ASTN2: variants seen among roughly 807,000 people sequenced by gnomAD.
ASTN2 encodes the protein astrotactin-2.
In ASTN2, 54 loss-of-function variants were observed where a neutral mutation model predicts 139.8. The observed-to-expected ratio is 0.39, with a 90% CI of 0.31 to 0.48. The LOEUF (loss-of-function observed/expected upper bound fraction) is 0.48, where lower values mean the gene tolerates loss of function less well. Ranked by LOEUF, ASTN2 falls within the 20% of genes least tolerant of loss-of-function variation. The pLI is 0.95. For missense variants in ASTN2, 1,565 were observed against 1,725.1 expected, an observed-to-expected ratio of 0.91 and a Z score of 1.64; for synonymous variants, 756 against 719.5, an observed-to-expected ratio of 1.05 and a Z score of -0.81.
intron 22 of ASTN2, among the ~76,000 whole-genome samples, chr9:116,428,015 T>C (rs1394564007): frequency 3.3e-5 from 5 of 152,274 alleles, no homozygotes; most frequent in Admixed American, 1.3e-4. Flanking sequence ...TGCTGATTTG[T>C]TGAGCATTTA....
intron 10 of ASTN2, among the ~76,000 whole-genome samples, chr9:116,955,765 A>G (rs1200208478): frequency 6.6e-6 from 1 of 152,234 alleles, no homozygotes; most frequent in African/African-American, 2.4e-5. Flanking sequence ...GCCAGTGTTA[A>G]AAACCTCATT....
intron 22 of ASTN2, among the ~76,000 whole-genome samples, chr9:116,435,302 T>G (rs766862241): frequency 2.6e-5 from 4 of 152,202 alleles, no homozygotes; most frequent in Non-Finnish European, 5.9e-5. Flanking sequence ...TGGAGAAGCA[T>G]CTTACCCTCT....
intron 13 of ASTN2, among the ~76,000 whole-genome samples, chr9:116,800,449 T>A (rs372764542): frequency 3.9e-5 from 6 of 152,166 alleles, no homozygotes; most frequent in African/African-American, 1.4e-4. Flanking sequence ...GTTCAGGAAA[T>A]ATCACCACAT....
rs556589135 is a variant in ASTN2 at position 116,427,482 on chromosome 9, G to A, written c.3783-1394C>T. Among the ~76,000 whole-genome samples, 31 of 152,266 alleles carry A rather than the reference G, an allele frequency of 2.0e-4. No individual in the cohort carries two copies. In the South Asian group the frequency reaches 2.9e-3, roughly 14 times the overall value. On this transcript the variant is annotated intron_variant, in intron 22 of 22. Coordinates refer to ENST00000313400, the MANE Select transcript of ASTN2 (RefSeq NM_001365068.1). ...AGTGTCAAGGTGTCTGTCTCCATGT[G>A]GAAACCACTTTTCTCTGCATTCCAG... is the stretch of plus-strand genomic sequence containing the variant.
At chr9:117,076,470 G>A (rs1828283500) in intron 5 of ASTN2, among the ~76,000 whole-genome samples, 1 of 152,158 alleles carries the variant, frequency 6.6e-6, no homozygotes, top group East Asian at 1.9e-4. Context: ...AGAGAGTTGA[G>A]ATGACACTGG....
At chr9:117,340,450 G>T (rs984107214) in intron 1 of ASTN2, among the ~76,000 whole-genome samples, 1 of 151,438 alleles carries the variant, frequency 6.6e-6, no homozygotes, top group Non-Finnish European at 1.5e-5. Context: ...AATGCCCGGT[G>T]CACCCTGCTA....
intron 1 of ASTN2, among the ~76,000 whole-genome samples, chr9:117,316,393 T>G (rs1828145187): frequency 6.6e-6 from 1 of 152,102 alleles, no homozygotes; most frequent in African/African-American, 2.4e-5. Flanking sequence ...GACAGATGGA[T>G]GGAGGGAGGG....
At chr9:116,988,564 A>G (rs940836159) in intron 7 of ASTN2, among the ~76,000 whole-genome samples, 1 of 152,176 alleles carries the variant, frequency 6.6e-6, no homozygotes, top group African/African-American at 2.4e-5. Flanking sequence ...GATTTTATAC[A>G]GGAGGAAACT....
intron 2 of ASTN2, among the ~76,000 whole-genome samples, chr9:117,288,627 C>CA (rs1834508045): frequency 6.6e-6 from 1 of 152,176 alleles, no homozygotes; most frequent in Admixed American, 6.5e-5. Context: ...TCATGAATCT[C>CA]AGATTTCTCA....
intron 12 of ASTN2, among the ~76,000 whole-genome samples, chr9:116,810,730 T>C (rs987759894): frequency 2.2e-4 from 33 of 152,152 alleles, no homozygotes; most frequent in Non-Finnish European, 4.3e-4. Flanking sequence ...AAACTATCCT[T>C]TTTTGTTTCT....
At chr9:116,839,948 A>G (rs1401991268) in intron 11 of ASTN2, among the ~76,000 whole-genome samples, 1 of 145,384 alleles carries the variant, frequency 6.9e-6, no homozygotes, top group Non-Finnish European at 1.5e-5. Flanking sequence ...GGGTCACAGG[A>G]CAATAGTGGA....
chr9:117,239,668 C>A (rs910629729), intron 2 of ASTN2, among the ~76,000 whole-genome samples: 5 of 152,196 alleles, frequency 3.3e-5, no homozygotes, highest in African/African-American at 1.2e-4. Context: ...ATTTCCATTT[C>A]TTTGAAGGCA....
At chr9:117,122,046 A>T (rs889153633) in intron 4 of ASTN2, among the ~76,000 whole-genome samples, 9 of 152,162 alleles carry the variant, frequency 5.9e-5, no homozygotes, top group African/African-American at 2.2e-4. Context: ...CACCTGTAGG[A>T]TAAGAGTTCC....
chr9:116,531,441 T>A lies in ASTN2; in HGVS notation c.3356-43941A>T, dbSNP rs139264343. Among the ~76,000 whole-genome samples, 25 of 152,354 alleles carry A rather than the reference T, an allele frequency of 1.6e-4. No homozygotes were observed. In the East Asian group the frequency reaches 3.7e-3, roughly 22 times the overall value. ...TGCAGGTTTGTTACATATGTATACG[T>A]GTGCCATGTCGGTGTGTTGCACCCA... On this transcript the variant is annotated intron_variant, in intron 19 of 22. Transcript: ENST00000313400.
rs1847816134 is a variant in ASTN2 at position 116,440,771 on chromosome 9, T to C, written c.3620A>G (p.Asn1207Ser). 1.2e-6 allele frequency: 2 copies of C among 1,613,596 alleles called. No individual in the cohort carries two copies. The highest frequency in any genetic ancestry group is 8.5e-7 in the Non-Finnish European group (1 of 1,179,684). The change falls in exon 22 of 23, where the codon AAT becomes AGT. Residue 1207 changes from asparagine to serine, a missense_variant. Coordinates refer to ENST00000313400, the MANE Select transcript of ASTN2 (RefSeq NM_001365068.1). ...TCCACTTGTGTACCCATTGTACAGATTGTAGATCTTGTCAGCTATTTCTGA... is the reference window on the plus strand; with the variant it reads ...TCCACTTGTGTACCCATTGTACAGACTGTAGATCTTGTCAGCTATTTCTGA... ...KAEEIADKIY[N>S]LYNGYTSGKE...
chr9:117,273,071 G>T (rs917379188), intron 2 of ASTN2, among the ~76,000 whole-genome samples: 1 of 152,210 alleles, frequency 6.6e-6, no homozygotes, highest in African/African-American at 2.4e-5. Context: ...AGAAAAGGAG[G>T]TTTAATTTGA....
chr9:116,493,877 G>A (rs543399492), intron 19 of ASTN2, among the ~76,000 whole-genome samples: 7 of 152,114 alleles, frequency 4.6e-5, no homozygotes, highest in Non-Finnish European at 5.9e-5. Context: ...CACTCTTTTC[G>A]GGAAACACCA....
chr9:116,564,618 G>T (rs1052651362), intron 19 of ASTN2, among the ~76,000 whole-genome samples: 4 of 152,108 alleles, frequency 2.6e-5, no homozygotes, highest in African/African-American at 7.2e-5. Context: ...CCCTGCCTGG[G>T]GTCATTCAGA....
intron 12 of ASTN2, among the ~76,000 whole-genome samples, chr9:116,806,920 A>G (rs1274999068): frequency 6.6e-6 from 1 of 152,226 alleles, no homozygotes; most frequent in Non-Finnish European, 1.5e-5. Flanking sequence ...ACCATGAAGA[A>G]AGAAAGAGTA....
Sources: allele counts gnomAD v4.1 joint callset (sites outside exome capture counted in the v4.1 genomes callset), GRCh38; gene constraint gnomAD v4.1.1; transcripts MANE v1.5; gene names NCBI Gene and HGNC (gene_info 2026-07-23, HGNC 2026-07-21).